Variants in COPS7B observed in about 807,000 individuals in gnomAD.
The protein encoded by COPS7B is COP9 signalosome complex subunit 7b.
In COPS7B, 9 loss-of-function variants were observed where a neutral mutation model predicts 33.4. The ratio of observed to expected loss-of-function variants is 0.27; its 90% confidence interval spans 0.16 to 0.47. The LOEUF is 0.47. COPS7B is among the 20% of genes least tolerant of loss of function. The pLI is 0.99. For missense variants in COPS7B, 242 were observed against 318.2 expected (o/e 0.76, Z 1.82); for synonymous variants, 119 against 126.3 (o/e 0.94, Z 0.39).
intron 6 of COPS7B, among the ~76,000 whole-genome samples, chr2:231,806,932 AAAT>A (rs1290500687): frequency 6.6e-6 from 1 of 152,220 alleles, no homozygotes; most frequent in Non-Finnish European, 1.5e-5. Flanking sequence ...TGACGTGGTA[AAAT>A]GTTCAAGAGC....
chr2:231,792,865 C>T (rs560895802), intron 3 of COPS7B, among the ~76,000 whole-genome samples: 3 of 152,276 alleles, frequency 2.0e-5, no homozygotes, highest in South Asian at 2.1e-4. Flanking sequence ...TCAGGGCCTT[C>T]GCTGCGATAT....
intron 5 of COPS7B, among the ~76,000 whole-genome samples, chr2:231,796,860 T>G (rs938891055): frequency 6.6e-6 from 1 of 152,230 alleles, no homozygotes; most frequent in African/African-American, 2.4e-5. Flanking sequence ...GAATACAGAC[T>G]CATACAAAGA....
chr2:231,785,597 A>G (rs2049221196), upstream of COPS7B, among the ~76,000 whole-genome samples: 1 of 152,212 alleles, frequency 6.6e-6, no homozygotes, highest in African/African-American at 2.4e-5. Context: ...TGCTAAAGAA[A>G]TGTTTTTGAA....
At chr2:231,785,272 A>C (rs1448633233), upstream of COPS7B, among the ~76,000 whole-genome samples, 2 of 152,220 alleles carry the variant, frequency 1.3e-5, no homozygotes, top group Admixed American at 6.5e-5. Context: ...GTAATTCCCC[A>C]GTACCTGGCA....
At chr2:231,784,220 G>A (rs977667043), upstream of COPS7B, among the ~76,000 whole-genome samples, 7 of 151,844 alleles carry the variant, frequency 4.6e-5, no homozygotes, top group Non-Finnish European at 8.8e-5. Flanking sequence ...GGTGGCTCAC[G>A]CCTGTAATCT....
rs550043602 is a variant in COPS7B, at chr2:231,792,791, C to G, written c.238+983C>G. 2.4e-4 allele frequency among the ~76,000 whole-genome samples: 36 copies of G among 152,200 alleles called. No individual in the cohort carries two copies. The South Asian group carries it at 7.2e-3, about 31-fold the overall frequency. ...GTATGTCCAAACACTAACTTACCTT[C>G]TACCCAAAGCATTTTTTTCTGGCTT... On this transcript the variant is annotated intron_variant, in intron 3 of 6. Transcript: ENST00000350033.
chr2:231,800,996 T>A (rs1216701601), intron 6 of COPS7B: 4 of 722,306 alleles, frequency 5.5e-6, no homozygotes, highest in Non-Finnish European at 9.4e-6. Context: ...GCTACTGACT[T>A]GAAAGGAAAA....
intron 6 of COPS7B, among the ~76,000 whole-genome samples, chr2:231,806,578 A>G (rs2049901112): frequency 1.3e-5 from 2 of 151,940 alleles, no homozygotes; most frequent in Admixed American, 6.6e-5. Flanking sequence ...AAAAGACTAA[A>G]AAAGCTATTA....
At position 231,807,890 on chromosome 2, in the gene COPS7B, C is replaced by T. The variant is rs2049942332; in HGVS notation, c.*245C>T. The T allele has an allele frequency of 7.1e-6, 3 of 425,466 alleles. No individual in the cohort carries two copies. Among genetic ancestry groups the T allele is most frequent in the Non-Finnish European group, 1.3e-5 (3 of 237,952 alleles). 26.4% of individuals were successfully genotyped at this position (425,466 alleles called of 1,614,324 possible). A position where few individuals can be genotyped will look rare whatever the true frequency, so the allele number is the denominator to read the frequency against. On this transcript the variant is annotated 3_prime_UTR_variant, in exon 7 of 7. Transcript: ENST00000350033. Reference sequence around the variant, plus strand: ...AATGCCATCCCAAAACAGGGTCAGACACTGCCCAGCTTCCCTCCAGGAGGT... The same window carrying T: ...AATGCCATCCCAAAACAGGGTCAGATACTGCCCAGCTTCCCTCCAGGAGGT...
At chr2:231,803,923 C>T (rs751389198) in intron 6 of COPS7B, among the ~76,000 whole-genome samples, 7 of 152,064 alleles carry the variant, frequency 4.6e-5, no homozygotes, top group African/African-American at 7.2e-5. Context: ...GGAGCGTTGC[C>T]GTTGGTGGAT....
chr2:231,795,242 A>G, intron 4 of COPS7B, among the ~76,000 whole-genome samples: 1 of 151,910 alleles, frequency 6.6e-6, no homozygotes. Context: ...AAATTTTTTA[A>G]ATTGAGACAA....
At chr2:231,805,424 TA>T (rs2049862515) in intron 6 of COPS7B, among the ~76,000 whole-genome samples, 3 of 128,880 alleles carry the variant, frequency 2.3e-5, no homozygotes, top group African/African-American at 9.5e-5. Flanking sequence ...TATATATATA[TA>T]TATATATTTT....
At position 231,788,224 on chromosome 2, in the gene COPS7B, C is replaced by T. The variant is rs192491597; in HGVS notation, c.-16-331C>T. 1.8e-3 allele frequency among the ~76,000 whole-genome samples: 278 copies of T among 151,570 alleles called. 2 individuals carry two copies. Among genetic ancestry groups the T allele is most frequent in the Non-Finnish European group, 5.9e-4 (40 of 67,910 alleles). On this transcript the variant is annotated intron_variant, in intron 1 of 6. Coordinates refer to ENST00000350033, the MANE Select transcript of COPS7B (RefSeq NM_022730.4). ...CAATCTTGGCTCACTGCAACCTCCACCTCCTGGGTTCAAGCAATTCTTGTG... is the reference window on the plus strand; with the variant it reads ...CAATCTTGGCTCACTGCAACCTCCATCTCCTGGGTTCAAGCAATTCTTGTG...
At chr2:231,798,186 C>G (rs1395685428) in intron 5 of COPS7B, among the ~76,000 whole-genome samples, 1 of 151,622 alleles carries the variant, frequency 6.6e-6, no homozygotes, top group Non-Finnish European at 1.5e-5. Flanking sequence ...TGCGCCTGGC[C>G]TAGAACATCT....
Position 231,800,974 on chromosome 2 carries a change from A to C in COPS7B, c.636+2010A>C, listed in dbSNP as rs550549177. Among the ~76,000 whole-genome samples, 3 of 152,338 alleles carry C rather than the reference A, an allele frequency of 2.0e-5. No homozygotes were observed. In the South Asian group the frequency reaches 6.2e-4, roughly 32 times the overall value. ...CACCTACTTGAGGCACACAGAAGAT[A>C]CTCACCAAATAGCTACTGACTTGAA... On this transcript the variant is annotated intron_variant, in intron 6 of 6. Transcript: ENST00000350033.
chr2:231,799,293 G>A (rs2106334294), intron 6 of COPS7B, among the ~76,000 whole-genome samples: 1 of 152,298 alleles, frequency 6.6e-6, no homozygotes, highest in East Asian at 1.9e-4. Context: ...TGGATAGAAG[G>A]ATGGTGGTAA....
chr2:231,800,280 A>C (rs2049706579), intron 6 of COPS7B, among the ~76,000 whole-genome samples: 1 of 152,248 alleles, frequency 6.6e-6, no homozygotes, highest in African/African-American at 2.4e-5. Context: ...AGTCCAAAGC[A>C]AAGACAATTA....
At chr2:231,786,856 C>T (rs1314167886) in intron 1 of COPS7B, among the ~76,000 whole-genome samples, 9 of 152,238 alleles carry the variant, frequency 5.9e-5, no homozygotes, top group African/African-American at 2.4e-5. Context: ...TTTATCTCCG[C>T]TCTGTGCCTA....
intron 6 of COPS7B, among the ~76,000 whole-genome samples, chr2:231,803,489 G>A (rs953556026): frequency 6.6e-6 from 1 of 152,142 alleles, no homozygotes; most frequent in African/African-American, 2.4e-5. Context: ...TTTATTGCAT[G>A]TCAGGGTTAC....
Sources: allele counts gnomAD v4.1 joint callset (sites outside exome capture counted in the v4.1 genomes callset), GRCh38; gene constraint gnomAD v4.1.1; transcripts MANE v1.5; gene names NCBI Gene and HGNC (gene_info 2026-07-23, HGNC 2026-07-21).